The following CFAP52 variants were observed in gnomAD, a reference collection of about 807,000 sequenced individuals.
CFAP52 encodes the protein cilia- and flagella-associated protein 52.
CFAP52 carries 57 observed loss-of-function variants against 70.5 expected under a neutral mutation model. The ratio of observed to expected loss-of-function variants is 0.81; its 90% CI spans 0.65 to 1.01. CFAP52 has a LOEUF of 1.01. Ranked by LOEUF, CFAP52 falls within the 50% of genes least tolerant of loss-of-function variation. The pLI, the probability that CFAP52 is intolerant of heterozygous loss-of-function variation, is 0.00. For synonymous variants in CFAP52, 267 were observed against 292.5 expected (o/e 0.91, Z 0.89); for missense variants, 785 against 788.5 (o/e 1.00, Z 0.05).
At chr17:9,581,970 A>G (rs1416386207) in intron 1 of CFAP52, among the ~76,000 whole-genome samples, 2 of 152,158 alleles carry the variant, frequency 1.3e-5, no homozygotes, top group African/African-American at 2.4e-5. Flanking sequence ...CCATTTTTCA[A>G]GTGTGACCCA....
At chr17:9,610,547 T>C (rs1474745169) in intron 7 of CFAP52, among the ~76,000 whole-genome samples, 2 of 152,062 alleles carry the variant, frequency 1.3e-5, no homozygotes, top group African/African-American at 4.8e-5. Context: ...TTTTTTTGTT[T>C]GTTTTGAGAT....
intron 7 of CFAP52, among the ~76,000 whole-genome samples, chr17:9,610,638 G>A (rs978050419): frequency 6.6e-6 from 1 of 152,008 alleles, no homozygotes; most frequent in Non-Finnish European, 1.5e-5. Context: ...GGGTTCAAGA[G>A]ATTCTCCTGC....
At chr17:9,597,819 GAGAGAGAGAGAAAGAGAGAA>G (rs1271438614) in intron 4 of CFAP52, among the ~76,000 whole-genome samples, 5 of 151,070 alleles carry the variant, frequency 3.3e-5, no homozygotes, top group Non-Finnish European at 7.4e-5. Flanking sequence ...GAGAGAGAGA[GAGAGAGAGAGAAAGAGAGAA>G]AGAGAGAGAG....
intron 9 of CFAP52, among the ~76,000 whole-genome samples, chr17:9,629,524 C>A (rs11657544): frequency 1.4e-4 from 21 of 144,922 alleles, no homozygotes; most frequent in African/African-American, 4.6e-4. Flanking sequence ...TTTCTTCTTT[C>A]TTTTTTCTTC....
chr17:9,600,595 C>T (rs948824451), intron 6 of CFAP52, among the ~76,000 whole-genome samples: 1 of 151,932 alleles, frequency 6.6e-6, no homozygotes, highest in Non-Finnish European at 1.5e-5. Flanking sequence ...GAAAGAGTCT[C>T]GCTCTGTCGC....
rs1470400953 is a variant in CFAP52, at chr17:9,612,472, T to C, written c.1018T>C (p.Phe340Leu). Residue 340 changes from phenylalanine to leucine, a missense_variant, in exon 8 of 14, where the codon TTT (phenylalanine) becomes CTT (leucine). Transcript: ENST00000352665. ...CTTTGATGCTGTCGAGGATATTGTC[T>C]TTCCATTGTGAGTAGAAGAGAAAAA... Reference protein sequence around the residue: ...CHFDAVEDIVFPFGTAELFAT... With the variant: ...CHFDAVEDIVLPFGTAELFAT... 1 of 1,613,570 alleles carries C rather than the reference T, an allele frequency of 6.2e-7. No homozygotes were observed.
intron 8 of CFAP52, among the ~76,000 whole-genome samples, chr17:9,622,719 T>C (rs960642192): frequency 6.6e-6 from 1 of 152,150 alleles, no homozygotes; most frequent in Non-Finnish European, 1.5e-5. Context: ...AAGTATAACA[T>C]ATATGCAAAA....
chr17:9,609,584 T>C (rs1597782953), intron 7 of CFAP52, among the ~76,000 whole-genome samples: 1 of 152,120 alleles, frequency 6.6e-6, no homozygotes, highest in Non-Finnish European at 1.5e-5. Context: ...TAGTCCCAGC[T>C]ACTCAGGAGG....
intron 7 of CFAP52, 58 bp from the exon 8 acceptor site, chr17:9,612,251 A>AT: frequency 6.3e-7 from 1 of 1,584,452 alleles, no homozygotes; most frequent in East Asian, 2.2e-5. Context: ...GCTTCACATG[A>AT]TTCGTAACTA....
intron 6 of CFAP52, among the ~76,000 whole-genome samples, chr17:9,603,700 T>C (rs1909370838): frequency 6.6e-6 from 1 of 152,218 alleles, no homozygotes; most frequent in Non-Finnish European, 1.5e-5. Flanking sequence ...ACAATATTGA[T>C]ACCTAATGTA....
At chr17:9,632,734 G>A (rs1293942773) in intron 9 of CFAP52, among the ~76,000 whole-genome samples, 154 bp from the exon 10 acceptor site, 11 of 147,614 alleles carry the variant, frequency 7.5e-5, no homozygotes, top group Admixed American at 7.3e-4. Flanking sequence ...AGAAGGGAAA[G>A]GGGCCTATGG....
chr17:9,622,552 A>AAGAAGAAGAAG lies in CFAP52; in HGVS notation c.1026-6119_1026-6118insGAAGAAGAAGA, dbSNP rs113311384. 1.0e-3 allele frequency among the ~76,000 whole-genome samples: 155 copies of AAGAAGAAGAAG among 151,466 alleles called. 1 individual carries two copies. The highest frequency in any genetic ancestry group is 3.6e-3 in the African/African-American group (146 of 41,056). On this transcript the variant is annotated intron_variant, in intron 8 of 13. Transcript: ENST00000352665. ...TAAGACCCTGTTTCTATTAAAAAAA[A>AAGAAGAAGAAG]AAGAAGAAGAAGAAGAAGAAGATGA... is the stretch of plus-strand genomic sequence containing the variant.
chr17:9,603,669 A>T (rs1026547976), intron 6 of CFAP52, among the ~76,000 whole-genome samples: 62 of 152,218 alleles, frequency 4.1e-4, no homozygotes, highest in Non-Finnish European at 8.4e-4. Context: ...ACAGAGGGGC[A>T]AAAGACTCCG....
At chr17:9,642,435 C>G (rs1332733213) in intron 13 of CFAP52, among the ~76,000 whole-genome samples, 5 of 152,054 alleles carry the variant, frequency 3.3e-5, no homozygotes, top group Non-Finnish European at 7.4e-5. Flanking sequence ...ACCAGCCTGG[C>G]CAACATGGTG....
intron 12 of CFAP52, chr17:9,639,066 G>A: frequency 4.6e-6 from 1 of 216,842 alleles, no homozygotes; most frequent in Non-Finnish European, 9.2e-6. Flanking sequence ...TTATCACTTT[G>A]ACTAAATTCA....
rs1567620633 is a variant in CFAP52, at chr17:9,586,793, T to A, written c.366T>A (p.Asn122Lys). 1 of 1,613,462 alleles carries A rather than the reference T, an allele frequency of 6.2e-7. No individual in the cohort carries two copies. Among genetic ancestry groups the A allele is most frequent in the Non-Finnish European group, 8.5e-7 (1 of 1,179,838 alleles). The stretch of plus-strand genomic sequence containing the variant: ...TTGAAGCTCTGGCCTTTTCTCCAAA[T>A]GATTTGTACTTGGTATCACTAGGAG... Reference protein sequence around the residue: ...GKIEALAFSPNDLYLVSLGGP... With the variant: ...GKIEALAFSPKDLYLVSLGGP... The change falls in exon 3 of 14, where the codon AAT becomes AAA. Residue 122 changes from asparagine to lysine, a missense_variant. Asn to Lys is a moderately conservative substitution (Grantham distance 94). Coordinates refer to ENST00000352665, the MANE Select transcript of CFAP52 (RefSeq NM_145054.5).
intron 11 of CFAP52, among the ~76,000 whole-genome samples, chr17:9,636,889 A>T (rs1183041855): frequency 6.6e-6 from 1 of 152,176 alleles, no homozygotes; most frequent in Admixed American, 6.5e-5. Context: ...TACTAAAAAT[A>T]CAAAAAGTAG....
chr17:9,604,851 G>A (rs186386118), intron 6 of CFAP52, among the ~76,000 whole-genome samples: 27 of 152,174 alleles, frequency 1.8e-4, no homozygotes, highest in Non-Finnish European at 2.9e-4. Flanking sequence ...GATACTCTAT[G>A]TCTTATATCA....
At chr17:9,625,703 C>A (rs777498797) in intron 8 of CFAP52, among the ~76,000 whole-genome samples, 2 of 152,180 alleles carry the variant, frequency 1.3e-5, no homozygotes, top group Non-Finnish European at 2.9e-5. Context: ...TCCAGTTGCA[C>A]TCTTAGAAGA....
Sources: allele counts gnomAD v4.1 joint callset (sites outside exome capture counted in the v4.1 genomes callset), GRCh38; gene constraint gnomAD v4.1.1; transcripts MANE v1.5; gene names NCBI Gene and HGNC (gene_info 2026-07-23, HGNC 2026-07-21).